KLK2: variants seen among roughly 807,000 people sequenced by gnomAD.
The protein encoded by KLK2 is kallikrein-2.
A neutral mutation model predicts 23.0 loss-of-function variants in KLK2; 17 were observed. The ratio of observed to expected loss-of-function variants is 0.74; its 90% CI spans 0.51 to 1.11. The LOEUF is 1.11. Ranked by LOEUF, KLK2 falls within the 50% of genes least tolerant of loss-of-function variation. The pLI is 0.00. For missense variants in KLK2, 330 were observed against 325.9 expected, an observed-to-expected ratio of 1.01 and a Z score of -0.10; for synonymous variants, 140 against 124.7, an observed-to-expected ratio of 1.12 and a Z score of -0.82.
At position 50,876,750 on chromosome 19, in the gene KLK2, C is replaced by G; in HGVS notation, c.485C>G (p.Pro162Arg). 1 of 1,614,006 alleles carries G rather than the reference C, an allele frequency of 6.2e-7. No individual in the cohort carries two copies. Among genetic ancestry groups the G allele is most frequent in the Non-Finnish European group, 8.5e-7 (1 of 1,179,960 alleles). The change falls in exon 3 of 5, where the codon CCA (proline) becomes CGA (arginine). Residue 162 changes from proline to arginine, a missense_variant. Pro to Arg is a moderately radical substitution (Grantham distance 103). Coordinates refer to ENST00000325321, the MANE Select transcript of KLK2 (RefSeq NM_005551.5). ...GCCTCAGGCTGGGGCAGCATCGAAC[C>G]AGAGGAGTGTACGCCTGGGCCAGAT... ...CYASGWGSIE[P>R]EEFLRPRSLQ...
In KLK2 at chr19:50,876,777, G is replaced by T; in HGVS notation, c.493+19G>T. 6.2e-7 allele frequency: 1 copy of T among 1,611,868 alleles called. No individual in the cohort carries two copies. Among genetic ancestry groups the T allele is most frequent in the South Asian group, 1.1e-5 (1 of 91,000 alleles). Reference sequence around the variant, plus strand: ...GAGGAGTGTACGCCTGGGCCAGATGGTGTAGCTGGGAGCCCAGATGCCTGG... The same window carrying T: ...GAGGAGTGTACGCCTGGGCCAGATGTTGTAGCTGGGAGCCCAGATGCCTGG... On this transcript the variant is annotated intron_variant, in intron 3 of 4. Coordinates refer to ENST00000325321, the MANE Select transcript of KLK2 (RefSeq NM_005551.5).
At chr19:50,876,205 T>G (rs2090285376) in intron 2 of KLK2, 3 of 530,506 alleles carry the variant, frequency 5.7e-6, no homozygotes, top group Admixed American at 3.4e-5. Flanking sequence ...TTCTCACTGT[T>G]CTCCCTTCTG....
At chr19:50,876,078 T>A in intron 2 of KLK2, 1 of 232,558 alleles carries the variant, frequency 4.3e-6, no homozygotes, top group Non-Finnish European at 8.5e-6. Flanking sequence ...CTCTCTGACT[T>A]CCCGCATCCT....
chr19:50,877,235 C>G, intron 4 of KLK2: 1 of 598,852 alleles, frequency 1.7e-6, no homozygotes. Flanking sequence ...TGAGCACATG[C>G]TTACTGGGCA....
chr19:50,878,318 T>G (rs910222389), intron 4 of KLK2, 86 bp from the exon 5 acceptor site: 58 of 1,313,732 alleles, frequency 4.4e-5, no homozygotes, highest in Non-Finnish European at 5.9e-5. Context: ...CTCAGTCATC[T>G]GCCTGCGCGG....
In KLK2 at chr19:50,878,522, G is replaced by C; in HGVS notation, c.749G>C (p.Arg250Pro). The change falls in exon 5 of 5, where the codon CGG becomes CCG. Residue 250 changes from arginine (R) to proline (P), a missense_variant. Arg to Pro is a moderately radical substitution (Grantham distance 103). Transcript: ENST00000325321. ...PAVYTKVVHY[R>P]KWIKDTIAAN... ...GTGTACACCAAGGTGGTGCATTACCGGAAGTGGATCAAGGACACCATCGCA... is the reference window on the plus strand; with the variant it reads ...GTGTACACCAAGGTGGTGCATTACCCGAAGTGGATCAAGGACACCATCGCA... 6.2e-7 allele frequency: 1 copy of C among 1,613,928 alleles called. No individual in the cohort carries two copies. Among genetic ancestry groups the C allele is most frequent in the Non-Finnish European group, 8.5e-7 (1 of 1,179,892 alleles).
At chr19:50,874,469 C>A in intron 1 of KLK2, 1 of 364,574 alleles carries the variant, frequency 2.7e-6, no homozygotes, top group South Asian at 7.2e-5. Flanking sequence ...AGATGTTTCC[C>A]ATGTCCCCTA....
rs1357392833 is a variant in KLK2, at chr19:50,879,422, T to A, written c.*863T>A. 2 of 232,464 alleles carry A rather than the reference T, an allele frequency of 8.6e-6. No homozygotes were observed. Among genetic ancestry groups the A allele is most frequent in the African/African-American group, 4.4e-5 (2 of 45,270 alleles). 14.4% of individuals were successfully genotyped at this position (232,464 alleles called of 1,614,324 possible). On this transcript the variant is annotated 3_prime_UTR_variant, in exon 5 of 5. Transcript: ENST00000325321. ...TGAGGACCTTGTGGAGTGTAGCTGA[T>A]CCAGCTGATAGAGGAACTAGCCAGG...
chr19:50,879,778 C>G lies in KLK2; in HGVS notation c.*1219C>G. ...TTAGCATGAAGGGTCTGGCATGGCC[C>G]AAGGCCCCAAGTATATCAAGGCACT... On this transcript the variant is annotated 3_prime_UTR_variant, in exon 5 of 5. Transcript: ENST00000325321. 1 of 230,010 alleles carries G rather than the reference C, an allele frequency of 4.3e-6. No homozygotes were observed. Among genetic ancestry groups the G allele is most frequent in the Non-Finnish European group, 8.6e-6 (1 of 116,058 alleles). The allele number at this position is 230,010 out of a possible 1,614,324, so 14.2% of individuals were successfully genotyped here. A position where few individuals can be genotyped will look rare whatever the true frequency, so the allele number is the denominator to read the frequency against.
At position 50,879,728 on chromosome 19, in the gene KLK2, C is replaced by T. The variant is rs1490764908; in HGVS notation, c.*1169C>T. ...GTCCAGAGTCCCAGATGTACAAAAA[C>T]AGGGATTCATCACAAATCCCATCTT... is the stretch of plus-strand genomic sequence containing the variant. On this transcript the variant is annotated 3_prime_UTR_variant, in exon 5 of 5. Transcript: ENST00000325321. 1.7e-5 allele frequency: 4 copies of T among 229,624 alleles called. No homozygotes were observed. The highest frequency in any genetic ancestry group is 3.5e-5 in the Non-Finnish European group (4 of 115,826). 14.2% of individuals were successfully genotyped at this position (229,624 alleles called of 1,614,324 possible).
At chr19:50,874,699 T>C in intron 1 of KLK2, 22 bp from the exon 2 acceptor site, 1 of 1,596,902 alleles carries the variant, frequency 6.3e-7, no homozygotes, top group East Asian at 2.2e-5. Context: ...CTGATCCCCC[T>C]GACCCAGCAC....
chr19:50,876,819 G>A lies in KLK2; in HGVS notation c.494-53G>A, dbSNP rs190290616. Reference sequence around the variant, plus strand: ...GATGCCTGGGTCTGAGGGAAGTGGGGCCAAAGAACCAGGTGGGGTCCGGCC... The same window carrying A: ...GATGCCTGGGTCTGAGGGAAGTGGGACCAAAGAACCAGGTGGGGTCCGGCC... On this transcript the variant is annotated intron_variant, in intron 3 of 4. Transcript: ENST00000325321. 14 of 1,609,964 alleles carry A rather than the reference G, an allele frequency of 8.7e-6. No individual in the cohort carries two copies. In the East Asian group the frequency reaches 2.0e-4, roughly 23 times the overall value.
rs369369751 is a variant in KLK2 at position 50,876,884 on chromosome 19, G to A, written c.506G>A (p.Arg169Lys). 1.1e-4 allele frequency: 173 copies of A among 1,614,020 alleles called. No individual in the cohort carries two copies. The highest frequency in any genetic ancestry group is 1.4e-4 in the Non-Finnish European group (171 of 1,179,994). The stretch of plus-strand genomic sequence containing the variant: ...CTCTGACCCATAGTCTTGCGCCCCA[G>A]GAGTCTTCAGTGTGTGAGCCTCCAT... Reference protein sequence around the residue: ...SIEPEEFLRPRSLQCVSLHLL... With the variant: ...SIEPEEFLRPKSLQCVSLHLL... Residue 169 changes from arginine (R) to lysine (K), a missense_variant, in exon 4 of 5, where the codon AGG (arginine) becomes AAG (lysine). Transcript: ENST00000325321.
chr19:50,875,135 G>A, intron 2 of KLK2: 1 of 458,104 alleles, frequency 2.2e-6, no homozygotes, highest in Non-Finnish European at 3.5e-6. Context: ...ACTGTGTTTT[G>A]GTCTCTATGT....
Position 50,873,715 on chromosome 19 carries a change from T to C in KLK2, c.46+196T>C, listed in dbSNP as rs2090253796. The C allele has an allele frequency of 1.3e-5, 7 of 543,150 alleles. No homozygotes were observed. In the East Asian group the frequency reaches 2.3e-4, roughly 18 times the overall value. 33.6% of individuals were successfully genotyped at this position (543,150 alleles called of 1,614,324 possible). A position where few individuals can be genotyped will look rare whatever the true frequency, so the allele number is the denominator to read the frequency against. ...CTCCCTCCCACTTACCTCAGACCTT[T>C]CTCTCCATTGCCCAGCCAAATCCCT... is the stretch of plus-strand genomic sequence containing the variant. On this transcript the variant is annotated intron_variant, in intron 1 of 4. Coordinates refer to ENST00000325321, the MANE Select transcript of KLK2 (RefSeq NM_005551.5).
At chr19:50,877,259 C>T (rs1600018170) in intron 4 of KLK2, 1 of 568,952 alleles carries the variant, frequency 1.8e-6, no homozygotes, top group Non-Finnish European at 3.2e-6. Context: ...GCTACGTGAC[C>T]AGCATTGCCG....
Position 50,875,024 on chromosome 19 carries a change from C to A in KLK2, c.206+144C>A, listed in dbSNP as rs564084589. ...TCCTGGCCCAGGTCGCACCCGGAGG[C>A]AGAGCTGGGGCTGGACCACTCTCCC... On this transcript the variant is annotated intron_variant, in intron 2 of 4. Coordinates refer to ENST00000325321, the MANE Select transcript of KLK2 (RefSeq NM_005551.5). The A allele has an allele frequency of 2.5e-4, 352 of 1,395,396 alleles. 1 individual carries two copies. The Middle Eastern group carries it at 4.6e-3, about 18-fold the overall frequency. 86.4% of individuals were successfully genotyped at this position (1,395,396 alleles called of 1,614,324 possible). A position where few individuals can be genotyped will look rare whatever the true frequency, so the allele number is the denominator to read the frequency against.
chr19:50,879,299 T>A lies in KLK2; in HGVS notation c.*740T>A. ...CAGCAAACAAAACAGATGTATAGAT[T>A]AGAGTGTGGAGAAAACAGAGGAAAA... On this transcript the variant is annotated 3_prime_UTR_variant, in exon 5 of 5. Transcript: ENST00000325321. The A allele has an allele frequency of 4.3e-6, 1 of 232,534 alleles. No homozygotes were observed. Among genetic ancestry groups the A allele is most frequent in the Non-Finnish European group, 8.5e-6 (1 of 117,612 alleles). The allele number at this position is 232,534 out of a possible 1,614,324, so 14.4% of individuals were successfully genotyped here.
At chr19:50,873,645 ACT>A (rs2123475119) in intron 1 of KLK2, 126 bp downstream of exon 1, 2 of 651,068 alleles carry the variant, frequency 3.1e-6, no homozygotes, top group African/African-American at 1.9e-5. Context: ...TGTGCCCCTG[ACT>A]CTTCCACATT....
Sources: allele counts gnomAD v4.1 joint callset, GRCh38; gene constraint gnomAD v4.1.1; transcripts MANE v1.5; gene names NCBI Gene and HGNC (gene_info 2026-07-23, HGNC 2026-07-21).